SCN3A: variants seen among roughly 807,000 people sequenced by gnomAD.
The protein encoded by SCN3A is sodium channel protein type 3 subunit alpha.
A neutral mutation model predicts 187.6 loss-of-function variants in SCN3A; 60 were observed. That is an observed-to-expected ratio of 0.32 (90% confidence interval 0.26 to 0.40). SCN3A has a LOEUF of 0.40. Among genes scored for constraint, SCN3A ranks in the 10% least tolerant of loss-of-function variants. The probability of loss-of-function intolerance (pLI) is 1.00; values close to 1 mark genes in which losing one functional copy is unlikely to be tolerated. For synonymous variants in SCN3A, 788 were observed against 829.2 expected, an observed-to-expected ratio of 0.95 and a Z score of 0.85; for missense variants, 1,601 against 2,428.2, an observed-to-expected ratio of 0.66 and a Z score of 7.16.
Position 165,096,453 on chromosome 2 carries a change from TGA to T in SCN3A, c.4293+12_4293+13del, listed in dbSNP as rs2105644681. On this transcript the variant is annotated intron_variant, in intron 24 of 27. Transcript: ENST00000283254. ...AAATCTAGAACCTATAAATAATATTTGAGTGATACTTACATCTCGTGAATCAA... is the reference window on the plus strand; with the variant it reads ...AAATCTAGAACCTATAAATAATATTTGTGATACTTACATCTCGTGAATCAA... The T allele has an allele frequency of 2.5e-6, 4 of 1,600,482 alleles. No homozygotes were observed. Among genetic ancestry groups the T allele is most frequent in the Middle Eastern group, 1.7e-4 (1 of 6,004 alleles).
At chr2:165,130,394 T>C in intron 16 of SCN3A, 98 bp from the exon 17 acceptor site, 1 of 1,277,628 alleles carries the variant, frequency 7.8e-7, no homozygotes, top group Non-Finnish European at 1.1e-6. Flanking sequence ...ACGTGGTAGA[T>C]GTAAAAACTC....
At chr2:165,100,506 G>A in intron 21 of SCN3A, 82 bp from the exon 22 acceptor site, 1 of 1,414,378 alleles carries the variant, frequency 7.1e-7, no homozygotes, top group Non-Finnish European at 9.8e-7. Flanking sequence ...TCTATTTAAT[G>A]CAGACTAAAT....
At chr2:165,106,835 T>A (rs1685886043) in intron 21 of SCN3A, among the ~76,000 whole-genome samples, 1 of 152,140 alleles carries the variant, frequency 6.6e-6, no homozygotes, top group East Asian at 1.9e-4. Flanking sequence ...CCGAAAACAT[T>A]TATTTGCAGA....
chr2:165,197,267 A>G (rs1692023040), intron 1 of SCN3A, among the ~76,000 whole-genome samples: 1 of 152,084 alleles, frequency 6.6e-6, no homozygotes, highest in African/African-American at 2.4e-5. Context: ...TTTGTCAACT[A>G]TCTTTCACTT....
intron 12 of SCN3A, among the ~76,000 whole-genome samples, chr2:165,143,993 C>CGT (rs542402448): frequency 6.6e-6 from 1 of 151,996 alleles, no homozygotes; most frequent in East Asian, 1.9e-4. Flanking sequence ...GTACAACTAA[C>CGT]ATTATCTGTT....
chr2:165,112,506 A>AT (rs1294211690), intron 21 of SCN3A, among the ~76,000 whole-genome samples: 1 of 152,198 alleles, frequency 6.6e-6, no homozygotes, highest in African/African-American at 2.4e-5. Flanking sequence ...ACCTTCAGTC[A>AT]TTTTTTATTT....
At chr2:165,163,477 A>C in intron 7 of SCN3A, 141 bp downstream of exon 7, 2 of 1,052,366 alleles carry the variant, frequency 1.9e-6, no homozygotes, top group Non-Finnish European at 2.9e-6. Flanking sequence ...TTTAGGAGCT[A>C]AACTGACATT....
At chr2:165,200,817 G>A (rs1457480120) in intron 1 of SCN3A, among the ~76,000 whole-genome samples, 1 of 152,078 alleles carries the variant, frequency 6.6e-6, no homozygotes, top group Non-Finnish European at 1.5e-5. Flanking sequence ...CAGCTGTCAG[G>A]AGCACGAAGC....
chr2:165,180,898 C>A (rs1378196467), intron 2 of SCN3A, among the ~76,000 whole-genome samples: 1 of 152,068 alleles, frequency 6.6e-6, no homozygotes, highest in African/African-American at 2.4e-5. Flanking sequence ...TAAAATCATT[C>A]ATGAACCCAA....
intron 22 of SCN3A, among the ~76,000 whole-genome samples, chr2:165,098,776 T>C (rs1685473879): frequency 6.6e-6 from 1 of 152,232 alleles, no homozygotes; most frequent in Non-Finnish European, 1.5e-5. Context: ...GGAATATTAA[T>C]TGTGCTATAT....
chr2:165,191,719 T>C (rs1691625672), intron 1 of SCN3A, among the ~76,000 whole-genome samples: 1 of 152,198 alleles, frequency 6.6e-6, no homozygotes, highest in Non-Finnish European at 1.5e-5. Flanking sequence ...TTAGGTACTA[T>C]ATAACTTACT....
At chr2:165,195,973 C>T (rs1213522591) in intron 1 of SCN3A, among the ~76,000 whole-genome samples, 1 of 152,048 alleles carries the variant, frequency 6.6e-6, no homozygotes, top group East Asian at 1.9e-4. Context: ...TCAAAAGAAT[C>T]TAGCTAGTTC....
Position 165,159,113 on chromosome 2 carries a change from C to A in SCN3A, c.1031+3195G>T, listed in dbSNP as rs575341548. The stretch of plus-strand genomic sequence containing the variant: ...GCATCCTCATCAGAAGTTGGTATTG[C>A]CAGATACATTTTTCAGTCATTCTAA... On this transcript the variant is annotated intron_variant, in intron 9 of 27. Transcript: ENST00000283254. Among the ~76,000 whole-genome samples the A allele has an allele frequency of 1.4e-5, 2 of 137,984 alleles. 1 individual carries two copies. The highest frequency in any genetic ancestry group is 5.9e-5 in the African/African-American group (2 of 34,168). 90.5% of individuals were successfully genotyped at this position (137,984 alleles called of 152,430 possible).
At position 165,164,272 on chromosome 2, in the gene SCN3A, A is replaced by C. The variant is rs948853314; in HGVS notation, c.602+120T>G. 11 of 1,262,688 alleles carry C rather than the reference A, an allele frequency of 8.7e-6. No individual in the cohort carries two copies. In the African/African-American group the frequency reaches 1.5e-4, roughly 17 times the overall value. The allele number at this position is 1,262,688 out of a possible 1,614,324, so 78.2% of individuals were successfully genotyped here. On this transcript the variant is annotated intron_variant, in intron 6 of 27. Transcript: ENST00000283254. ...CTAATATGTATTCTTAAAATACACA[A>C]TCCATATAGTTAACTTGACTAACAA...
At chr2:165,146,488 ATATC>A (rs979480879) in intron 12 of SCN3A, among the ~76,000 whole-genome samples, 3 of 148,320 alleles carry the variant, frequency 2.0e-5, no homozygotes, top group South Asian at 2.1e-4. Flanking sequence ...TATATTATAT[ATATC>A]TATATATTAT....
intron 21 of SCN3A, among the ~76,000 whole-genome samples, chr2:165,111,900 G>T (rs545514736): frequency 2.6e-5 from 4 of 152,142 alleles, no homozygotes; most frequent in Middle Eastern, 3.2e-3. Context: ...CAACTTAAAG[G>T]GTTAAACACA....
chr2:165,143,698 A>G (rs1430230003), intron 12 of SCN3A, among the ~76,000 whole-genome samples: 2 of 152,234 alleles, frequency 1.3e-5, no homozygotes, highest in Non-Finnish European at 1.5e-5. Context: ...TACCTCAGGC[A>G]TGTCAAAACA....
At chr2:165,178,328 G>T (rs1380738209) in intron 2 of SCN3A, among the ~76,000 whole-genome samples, 2 of 152,096 alleles carry the variant, frequency 1.3e-5, no homozygotes, top group Non-Finnish European at 2.9e-5. Context: ...CCGGGCTCAG[G>T]TGATCCTCCC....
chr2:165,187,523 C>T (rs1691318972), intron 1 of SCN3A, among the ~76,000 whole-genome samples: 1 of 152,170 alleles, frequency 6.6e-6, no homozygotes, highest in Non-Finnish European at 1.5e-5. Flanking sequence ...CAGTAAATTT[C>T]CCTTGGCCAC....
Sources: gnomAD v4.1 joint callset for allele counts (sites outside exome capture counted in the v4.1 genomes callset) on GRCh38, gnomAD v4.1.1 for gene constraint, MANE v1.5 for transcripts, NCBI Gene and HGNC (gene_info 2026-07-23, HGNC 2026-07-21) for gene names.